ADAMTSL1: variants seen among roughly 807,000 people sequenced by gnomAD.
ADAMTSL1 encodes ADAMTS-like protein 1.
Under a neutral mutation model 201.8 loss-of-function variants are expected in ADAMTSL1, and 126 were observed. The ratio of observed to expected loss-of-function variants is 0.62; its 90% CI spans 0.54 to 0.72. ADAMTSL1 has a LOEUF of 0.72. ADAMTSL1 is among the 30% of genes least tolerant of loss of function. ADAMTSL1 has a pLI of 0.00. For missense variants in ADAMTSL1, 2,679 were observed against 2,277.8 expected (o/e 1.18, Z -3.59); for synonymous variants, 1,121 against 903.4 (o/e 1.24, Z -4.32).
chr9:18,467,073 G>T (rs1218614313), intron 2 of ADAMTSL1, among the ~76,000 whole-genome samples: 1 of 152,030 alleles, frequency 6.6e-6, no homozygotes, highest in Admixed American at 6.6e-5. Flanking sequence ...TTATCTAATG[G>T]CAGTTACGTA....
intron 2 of ADAMTSL1, among the ~76,000 whole-genome samples, chr9:18,255,589 T>C (rs1416226501): frequency 3.3e-5 from 5 of 152,250 alleles, no homozygotes; most frequent in African/African-American, 1.2e-4. Flanking sequence ...TTACAGGATA[T>C]GTATGAATAA....
intron 15 of ADAMTSL1, among the ~76,000 whole-genome samples, chr9:18,742,006 T>C (rs1818858227): frequency 6.6e-6 from 1 of 152,222 alleles, no homozygotes; most frequent in Non-Finnish European, 1.5e-5. Flanking sequence ...GTGGCTGTTC[T>C]AAGTAGAGTG....
At chr9:18,891,505 C>T (rs1053138835) in intron 25 of ADAMTSL1, among the ~76,000 whole-genome samples, 9 of 152,112 alleles carry the variant, frequency 5.9e-5, no homozygotes, top group Admixed American at 4.6e-4. Flanking sequence ...GTATATGGAC[C>T]GAGGATTTCC....
At chr9:17,958,710 C>T (rs947241892) in intron 1 of ADAMTSL1, among the ~76,000 whole-genome samples, 1 of 152,108 alleles carries the variant, frequency 6.6e-6, no homozygotes, top group Non-Finnish European at 1.5e-5. Flanking sequence ...AACCCAAACC[C>T]AAACCCGTAT....
chr9:18,540,039 T>C (rs931628405), intron 3 of ADAMTSL1, among the ~76,000 whole-genome samples: 1 of 152,112 alleles, frequency 6.6e-6, no homozygotes, highest in Non-Finnish European at 1.5e-5. Context: ...ACATTCTAAA[T>C]AAGGTGACAG....
intron 1 of ADAMTSL1, among the ~76,000 whole-genome samples, chr9:17,987,707 C>T (rs576032104): frequency 6.6e-6 from 1 of 152,010 alleles, no homozygotes; most frequent in Non-Finnish European, 1.5e-5. Flanking sequence ...AGTGTGCTCT[C>T]AAATGCCTTG....
chr9:18,880,243 C>T (rs185964216), intron 23 of ADAMTSL1, among the ~76,000 whole-genome samples: 107 of 152,260 alleles, frequency 7.0e-4, no homozygotes, highest in African/African-American at 2.5e-3. Flanking sequence ...TTGACCTCCT[C>T]CCATGAATCA....
intron 13 of ADAMTSL1, among the ~76,000 whole-genome samples, chr9:18,702,786 G>A (rs555564572): frequency 3.1e-4 from 46 of 150,644 alleles, no homozygotes; most frequent in South Asian, 1.7e-3. Context: ...TTTTCAAGCC[G>A]GAGTCTCACT....
At chr9:17,996,861 A>C (rs1012984902) in intron 1 of ADAMTSL1, among the ~76,000 whole-genome samples, 5 of 152,172 alleles carry the variant, frequency 3.3e-5, no homozygotes, top group Non-Finnish European at 5.9e-5. Flanking sequence ...TTGTTATTGC[A>C]TATCTTTTTG....
At chr9:18,180,058 C>T (rs930947828) in intron 2 of ADAMTSL1, among the ~76,000 whole-genome samples, 3 of 152,010 alleles carry the variant, frequency 2.0e-5, no homozygotes, top group African/African-American at 7.2e-5. Flanking sequence ...ACTAAATGCT[C>T]CAATTAAAAG....
intron 15 of ADAMTSL1, among the ~76,000 whole-genome samples, chr9:18,752,816 T>C (rs78023645): frequency 0.089 from 13,553 of 152,260 alleles, 1,277 homozygotes; most frequent in African/African-American, 0.24. Flanking sequence ...AATGGAACTT[T>C]AAAGGAAGCT....
chr9:18,166,519 C>T (rs942379473), intron 2 of ADAMTSL1, among the ~76,000 whole-genome samples: 6 of 152,038 alleles, frequency 3.9e-5, no homozygotes, highest in African/African-American at 1.4e-4. Context: ...TTATCTGTCA[C>T]GACGTCTCTT....
At chr9:18,037,537 G>A (rs917509310) in intron 1 of ADAMTSL1, among the ~76,000 whole-genome samples, 9 of 152,108 alleles carry the variant, frequency 5.9e-5, no homozygotes, top group Non-Finnish European at 5.9e-5. Flanking sequence ...TTAAATAAGT[G>A]TTAATGATTG....
At chr9:18,381,034 A>T (rs986880769) in intron 2 of ADAMTSL1, among the ~76,000 whole-genome samples, 2 of 152,184 alleles carry the variant, frequency 1.3e-5, no homozygotes, top group Non-Finnish European at 2.9e-5. Flanking sequence ...ATATTTGAGT[A>T]TTTATGCGGT....
chr9:18,403,689 T>C (rs957626827), intron 2 of ADAMTSL1, among the ~76,000 whole-genome samples: 1 of 152,206 alleles, frequency 6.6e-6, no homozygotes, highest in Non-Finnish European at 1.5e-5. Context: ...AGATCTGTGA[T>C]AGGTACAATT....
intron 1 of ADAMTSL1, among the ~76,000 whole-genome samples, chr9:18,030,817 C>G (rs1820920112): frequency 1.3e-5 from 2 of 152,218 alleles, no homozygotes; most frequent in East Asian, 1.9e-4. Context: ...TAGGTTTGAT[C>G]TCTTTACATA....
chr9:18,675,788 TA>T (rs1830098266), intron 9 of ADAMTSL1, 68 bp from the exon 10 acceptor site: 6 of 1,368,804 alleles, frequency 4.4e-6, no homozygotes, highest in Middle Eastern at 1.8e-4. Flanking sequence ...TTGTATAATG[TA>T]ATCATTTAGT....
intron 2 of ADAMTSL1, among the ~76,000 whole-genome samples, chr9:18,421,165 A>T (rs1818928464): frequency 6.6e-6 from 1 of 152,152 alleles, no homozygotes; most frequent in East Asian, 1.9e-4. Context: ...CCTGTTCCCA[A>T]CCAGCTTTCA....
chr9:18,863,875 C>T (rs534817179), intron 23 of ADAMTSL1, among the ~76,000 whole-genome samples: 13 of 152,248 alleles, frequency 8.5e-5, no homozygotes, highest in Admixed American at 5.9e-4. Flanking sequence ...GAGTGTTTTC[C>T]AGTTTTGGAA....
Sources: gnomAD v4.1 joint callset for allele counts (sites outside exome capture counted in the v4.1 genomes callset) on GRCh38, gnomAD v4.1.1 for gene constraint, MANE v1.5 for transcripts, NCBI Gene and HGNC (gene_info 2026-07-23, HGNC 2026-07-21) for gene names.